CMYA5: variants seen among roughly 807,000 people sequenced by gnomAD.
CMYA5 encodes the protein cardiomyopathy-associated protein 5.
Under a neutral mutation model 318.9 loss-of-function variants are expected in CMYA5, and 246 were observed. That is an observed-to-expected ratio of 0.77 (90% CI 0.70 to 0.86). CMYA5 has a LOEUF of 0.86. Ranked by LOEUF, CMYA5 falls within the 40% of genes least tolerant of loss-of-function variation. The pLI, the probability that CMYA5 is intolerant of heterozygous loss-of-function variation, is 0.00. For synonymous variants in CMYA5, 1,641 were observed against 1,729.5 expected (o/e 0.95, Z 1.27); for missense variants, 4,589 against 4,678.2 (o/e 0.98, Z 0.56).
In CMYA5 at chr5:79,761,244, T is replaced by A. The variant is rs187456859; in HGVS notation, c.11261-567T>A. On this transcript the variant is annotated intron_variant, in intron 7 of 12. Coordinates refer to ENST00000446378, the MANE Select transcript of CMYA5 (RefSeq NM_153610.5). ...CAAAGTTACTTCTTAGAGTAGCTTA[T>A]GACCTATCAAAGTTATTTAAGTATT... Among the ~76,000 whole-genome samples the A allele has an allele frequency of 3.0e-4, 46 of 152,348 alleles. No homozygotes were observed. The East Asian group carries it at 4.6e-3, about 15-fold the overall frequency.
At position 79,736,052 on chromosome 5, in the gene CMYA5, C is replaced by G; in HGVS notation, c.7287C>G (p.Leu2429=). ...TAATTGATTTCAGTGAAGACAGACT[C>G]AAGAAAGAAATGCAAAATCCTACTT... ...GSLIDFSEDR[L]KKEMQNPTSL... is the part of the protein sequence containing the mutation. Residue 2429 remains leucine, a synonymous_variant, in exon 2 of 13, where the codon CTC becomes CTG. Transcript: ENST00000446378. 6.2e-7 allele frequency: 1 copy of G among 1,612,080 alleles called. No homozygotes were observed.
At chr5:79,747,732 A>C (rs1470801378) in intron 5 of CMYA5, among the ~76,000 whole-genome samples, 1 of 152,226 alleles carries the variant, frequency 6.6e-6, no homozygotes, top group Non-Finnish European at 1.5e-5. Context: ...CTTTCAGAGC[A>C]TTTCATATTA....
In CMYA5 at chr5:79,714,431, CTT is replaced by C. The variant is rs71615553; in HGVS notation, c.150-14465_150-14464del. On this transcript the variant is annotated intron_variant, in intron 1 of 12. Transcript: ENST00000446378. The stretch of plus-strand genomic sequence containing the variant: ...CACATCTGATATCTTTTTTCTTTTT[CTT>C]TTTTTTTTTTTTTTTTTTGAGATGG... Among the ~76,000 whole-genome samples the C allele has an allele frequency of 2.4e-3, 241 of 100,694 alleles. 1 individual carries two copies. The highest frequency in any genetic ancestry group is 9.9e-3 in the African/African-American group (231 of 23,294). The allele number at this position is 100,694 out of a possible 152,430, so 66.1% of individuals were successfully genotyped here. A position where few individuals can be genotyped will look rare whatever the true frequency, so the allele number is the denominator to read the frequency against.
chr5:79,751,210 C>T (rs1164623816), intron 5 of CMYA5, among the ~76,000 whole-genome samples: 1 of 152,196 alleles, frequency 6.6e-6, no homozygotes, highest in Non-Finnish European at 1.5e-5. Flanking sequence ...AAATTGAACT[C>T]TCAGTGGGTA....
In CMYA5 at chr5:79,789,031, CT is replaced by C; in HGVS notation, c.11621del (p.Phe3874SerfsTer3). The C allele has an allele frequency of 4.3e-6, 7 of 1,613,904 alleles. No homozygotes were observed. Among genetic ancestry groups the C allele is most frequent in the Non-Finnish European group, 5.9e-6 (7 of 1,179,844 alleles). On this transcript the variant is annotated frameshift_variant, in exon 10 of 13. Coordinates refer to ENST00000446378, the MANE Select transcript of CMYA5 (RefSeq NM_153610.5). LOFTEE classifies it high-confidence loss of function. ...KVNLQPNDNY[F>X]FYVRAINAFG... Reference sequence around the variant, plus strand: ...TTAACCTCCAACCCAATGATAACTACTTTTTCTATGTGAGGGCCATCAATGC... The same window carrying C: ...TTAACCTCCAACCCAATGATAACTACTTTTCTATGTGAGGGCCATCAATGC...
intron 8 of CMYA5, 157 bp from the exon 9 acceptor site, chr5:79,762,905 T>C: frequency 1.4e-6 from 1 of 735,012 alleles, no homozygotes; most frequent in Non-Finnish European, 2.1e-6. Flanking sequence ...CATCACCATC[T>C]ATATTTGATC....
In CMYA5 at chr5:79,733,530, G is replaced by A; in HGVS notation, c.4765G>A (p.Asp1589Asn). The A allele has an allele frequency of 6.2e-7, 1 of 1,613,934 alleles. No homozygotes were observed. Among genetic ancestry groups the A allele is most frequent in the Non-Finnish European group, 8.5e-7 (1 of 1,179,834 alleles). ...GLAPTLLLLS[D>N]DKNKPAVEVS... is the part of the protein sequence containing the mutation. ...AGCCCCAACATTACTGCTCCTCAGT[G>A]ATGATAAGAACAAACCGGCAGTGGA... Residue 1589 changes from aspartate (D) to asparagine (N), a missense_variant, in exon 2 of 13, where the codon GAT (aspartate) becomes AAT (asparagine). By Grantham distance (23) the Asp-to-Asn change is conservative. Around this residue, in one of 3 missense-constraint regions of CMYA5, gnomAD observed 2,132 missense variants for 2,131.3 expected, o/e 1.00. Coordinates refer to ENST00000446378, the MANE Select transcript of CMYA5 (RefSeq NM_153610.5).
rs536440793 is a variant in CMYA5, at chr5:79,732,539, A to G, written c.3774A>G (p.Leu1258=). ...CAAAGAAGGGTGTCAAGCCCAAATT[A>G]GTTCTAAATGTGACTTCTGAACTAG... is the stretch of plus-strand genomic sequence containing the variant. ...DEPKKGVKPK[L]VLNVTSELEQ... is the part of the protein sequence containing the mutation. Residue 1258 remains leucine, a synonymous_variant, in exon 2 of 13, where the codon TTA becomes TTG. Coordinates refer to ENST00000446378, the MANE Select transcript of CMYA5 (RefSeq NM_153610.5). The G allele has an allele frequency of 8.1e-6, 13 of 1,613,190 alleles. 1 individual carries two copies. The South Asian group carries it at 1.4e-4, about 18-fold the overall frequency.
chr5:79,727,808 A>T (rs1827778520), intron 1 of CMYA5, among the ~76,000 whole-genome samples: 1 of 152,182 alleles, frequency 6.6e-6, no homozygotes, highest in Non-Finnish European at 1.5e-5. Flanking sequence ...ACAGAGTCTA[A>T]GATGGGGGCC....
chr5:79,747,172 A>G, intron 5 of CMYA5, 59 bp downstream of exon 5: 1 of 1,489,730 alleles, frequency 6.7e-7, no homozygotes, highest in Non-Finnish European at 8.9e-7. Flanking sequence ...TTGCTTTTTA[A>G]TATTTTGGTG....
Position 79,764,361 on chromosome 5 carries a change from C to T in CMYA5, c.11555+1152C>T, listed in dbSNP as rs564368136. On this transcript the variant is annotated intron_variant, in intron 9 of 12. Coordinates refer to ENST00000446378, the MANE Select transcript of CMYA5 (RefSeq NM_153610.5). Reference sequence around the variant, plus strand: ...CCTTTTTTATGGCTGCATAGTATTTCGTGGTATATAAGTGCCACATTTTCT... The same window carrying T: ...CCTTTTTTATGGCTGCATAGTATTTTGTGGTATATAAGTGCCACATTTTCT... Among the ~76,000 whole-genome samples the T allele has an allele frequency of 2.0e-4, 31 of 152,246 alleles. No individual in the cohort carries two copies. In the South Asian group the frequency reaches 5.8e-3, roughly 29 times the overall value.
chr5:79,793,392 C>T (rs564411631), intron 11 of CMYA5, 45 bp from the exon 12 acceptor site: 91 of 1,555,112 alleles, frequency 5.9e-5, no homozygotes, highest in East Asian at 3.6e-4. Context: ...AGATACAGGC[C>T]GGCGATTCCT....
chr5:79,760,906 G>A (rs1296719872), intron 7 of CMYA5, among the ~76,000 whole-genome samples: 1 of 152,146 alleles, frequency 6.6e-6, no homozygotes, highest in Admixed American at 6.5e-5. Flanking sequence ...TCATTGGAAA[G>A]GAGAGAGGCA....
At chr5:79,707,195 G>A (rs112019246) in intron 1 of CMYA5, among the ~76,000 whole-genome samples, 5 of 152,120 alleles carry the variant, frequency 3.3e-5, no homozygotes, top group African/African-American at 9.7e-5. Context: ...AGAATTGTCA[G>A]CTTTGAACAG....
At chr5:79,744,371 C>T (rs750777379) in intron 3 of CMYA5, among the ~76,000 whole-genome samples, 9 of 152,210 alleles carry the variant, frequency 5.9e-5, no homozygotes, top group Non-Finnish European at 1.2e-4. Flanking sequence ...GTGAGTGCCT[C>T]TCATAGCACG....
At chr5:79,702,015 A>G (rs1287443446) in intron 1 of CMYA5, among the ~76,000 whole-genome samples, 2 of 152,062 alleles carry the variant, frequency 1.3e-5, no homozygotes, top group Non-Finnish European at 2.9e-5. Context: ...TAGGCAGGAG[A>G]ATGGCATGAA....
At chr5:79,773,161 T>C (rs530951970) in intron 9 of CMYA5, among the ~76,000 whole-genome samples, 2 of 152,358 alleles carry the variant, frequency 1.3e-5, no homozygotes, top group South Asian at 4.1e-4. Context: ...TTGTGTGAAG[T>C]TGTCATCTCA....
Position 79,734,533 on chromosome 5 carries a change from A to G in CMYA5, c.5768A>G (p.Glu1923Gly). 1 of 1,613,856 alleles carries G rather than the reference A, an allele frequency of 6.2e-7. No homozygotes were observed. The highest frequency in any genetic ancestry group is 8.5e-7 in the Non-Finnish European group (1 of 1,179,822). Reference sequence around the variant, plus strand: ...CAGCTGGATTCCTCTAGCAGCAATGAGCTGAGGCCAGGGCAGCTCAAGGCT... The same window carrying G: ...CAGCTGGATTCCTCTAGCAGCAATGGGCTGAGGCCAGGGCAGCTCAAGGCT... Reference protein sequence around the residue: ...SVQLDSSSSNELRPGQLKAAV... With the variant: ...SVQLDSSSSNGLRPGQLKAAV... The change falls in exon 2 of 13, where the codon GAG (glutamate) becomes GGG (glycine). Residue 1923 changes from glutamate to glycine, a missense_variant. By Grantham distance (98) the Glu-to-Gly change is moderately conservative. This residue lies in a region of CMYA5 where 2,431 missense variants were observed against 2,495.1 expected (regional missense o/e 0.97). Coordinates refer to ENST00000446378, the MANE Select transcript of CMYA5 (RefSeq NM_153610.5).
rs1443405466 is a variant in CMYA5 at position 79,735,147 on chromosome 5, A to G, written c.6382A>G (p.Ile2128Val). ...EGKKPSPEVK[I>V]PTQRKPISSI... is the part of the protein sequence containing the mutation. ...AAAGAAACCATCACCTGAAGTAAAA[A>G]TACCCACACAAAGAAAACCCATCTC... Residue 2128 changes from isoleucine (I) to valine (V), a missense_variant, in exon 2 of 13, where the codon ATA becomes GTA. Ile to Val is a conservative substitution (Grantham distance 29). This residue lies in a region of CMYA5 where 2,431 missense variants were observed against 2,495.1 expected (regional missense o/e 0.97). Coordinates refer to ENST00000446378, the MANE Select transcript of CMYA5 (RefSeq NM_153610.5). 1.1e-5 allele frequency: 18 copies of G among 1,613,686 alleles called. No individual in the cohort carries two copies. In the East Asian group the frequency reaches 4.0e-4, roughly 36 times the overall value.
Sources: allele counts gnomAD v4.1 joint callset (sites outside exome capture counted in the v4.1 genomes callset), GRCh38; gene constraint gnomAD v4.1.1; regional missense constraint gnomAD v4.1.1; transcripts MANE v1.5; gene names NCBI Gene and HGNC (gene_info 2026-07-23, HGNC 2026-07-21).